Variants in LHX4 observed in about 807,000 individuals in gnomAD.
LHX4 encodes the protein LIM homeobox 4, also known as LIM/homeobox protein Lhx4.
Under a neutral mutation model 39.2 loss-of-function variants are expected in LHX4, and 16 were observed. The observed-to-expected ratio is 0.41, with a 90% CI of 0.28 to 0.62. The LOEUF (loss-of-function observed/expected upper bound fraction) is 0.62, where lower values mean the gene tolerates loss of function less well. LHX4 is among the 20% of genes least tolerant of loss of function. LHX4 has a pLI of 0.33. For synonymous variants in LHX4, 206 were observed against 198.1 expected (o/e 1.04, Z -0.33); for missense variants, 439 against 511.9 (o/e 0.86, Z 1.37).
In LHX4 at chr1:180,266,959, G is replaced by T. The variant is rs943621791; in HGVS notation, c.451+365G>T. On this transcript the variant is annotated intron_variant, in intron 3 of 5. Transcript: ENST00000263726. The surrounding 1 kb of genome is among the most constrained non-coding windows in gnomAD (Gnocchi z 5.7). ...TGGGAGCTTGGTCTGTATTGGACAC[G>T]TGGGGCTGCCGCTTAGTTTTGCACA... is the stretch of plus-strand genomic sequence containing the variant. Among the ~76,000 whole-genome samples the T allele has an allele frequency of 1.4e-4, 21 of 152,172 alleles. No homozygotes were observed. Among genetic ancestry groups the T allele is most frequent in the Admixed American group, 1.4e-3 (21 of 15,288 alleles).
At chr1:180,257,291 T>C (rs1413862206) in intron 2 of LHX4, among the ~76,000 whole-genome samples, 1 of 152,238 alleles carries the variant, frequency 6.6e-6, no homozygotes, top group Non-Finnish European at 1.5e-5. Context: ...CCAGCAGCAT[T>C]CATCTCAACA....
upstream of LHX4, among the ~76,000 whole-genome samples, chr1:180,228,391 T>C (rs796966697): frequency 2.6e-5 from 4 of 152,280 alleles, no homozygotes; most frequent in African/African-American, 9.6e-5. Flanking sequence ...CACCCAGCAG[T>C]ATTGGTGAGT....
chr1:180,247,042 TTTC>T (rs1199248145), intron 1 of LHX4, among the ~76,000 whole-genome samples: 1 of 152,212 alleles, frequency 6.6e-6, no homozygotes, highest in Non-Finnish European at 1.5e-5. Flanking sequence ...CACTTTTGTT[TTTC>T]TTCTTAATAC....
At chr1:180,270,781 T>TG (rs1310377647) in intron 3 of LHX4, 1 of 158,192 alleles carries the variant, frequency 6.3e-6, no homozygotes, top group Admixed American at 5.9e-5. Context: ...TCTGATTTCC[T>TG]GTTTTAGTTT....
At chr1:180,258,051 A>G (rs357059) in intron 2 of LHX4, among the ~76,000 whole-genome samples, 77,849 of 152,092 alleles carry the variant, frequency 0.51, 20,608 homozygotes, top group African/African-American at 0.66. Flanking sequence ...ACATATCGTC[A>G]GCCAGGTCCT....
chr1:180,241,863 A>G (rs1330159615), intron 1 of LHX4, among the ~76,000 whole-genome samples: 1 of 151,708 alleles, frequency 6.6e-6, no homozygotes, highest in East Asian at 1.9e-4. Flanking sequence ...TGTTGCCCAG[A>G]CTGGAATGCA....
chr1:180,271,809 G>C (rs749414602), intron 4 of LHX4, 26 bp from the exon 5 acceptor site: 2 of 1,613,722 alleles, frequency 1.2e-6, no homozygotes, highest in African/African-American at 2.7e-5. Flanking sequence ...CGCCCCCTGA[G>C]TATGTCCCTT....
intron 3 of LHX4, chr1:180,270,902 A>T: frequency 8.4e-6 from 2 of 239,440 alleles, no homozygotes; most frequent in South Asian, 5.4e-5. Flanking sequence ...GAGCCCAGCG[A>T]CGCCAGGGCA....
At chr1:180,245,374 C>A (rs776742017) in intron 1 of LHX4, among the ~76,000 whole-genome samples, 1 of 152,206 alleles carries the variant, frequency 6.6e-6, no homozygotes, top group Non-Finnish European at 1.5e-5. Context: ...CTTCCAGGGC[C>A]CTCCAGGGAT....
chr1:180,262,580 G>A (rs780108332), intron 2 of LHX4, among the ~76,000 whole-genome samples: 2 of 151,564 alleles, frequency 1.3e-5, no homozygotes, highest in Non-Finnish European at 1.5e-5. Context: ...GTGGGAAGAG[G>A]GATTGTCCTG....
chr1:180,256,338 G>T (rs959638135), intron 2 of LHX4, among the ~76,000 whole-genome samples: 24 of 152,168 alleles, frequency 1.6e-4, no homozygotes, highest in African/African-American at 5.3e-4. Context: ...TCACACCAGG[G>T]TCCCATTAGA....
At chr1:180,229,965 G>GGCGGAGGCGGGGGGGGC (rs1491546115), upstream of LHX4, among the ~76,000 whole-genome samples, 159 of 12,188 alleles carry the variant, frequency 0.013, 9 homozygotes, top group Middle Eastern at 0.056. Context: ...GAGGCGGGGA[G>GGCGGAGGCGGGGGGGGC]GGGGGGGGGG....
At chr1:180,244,784 G>C (rs1647321340) in intron 1 of LHX4, among the ~76,000 whole-genome samples, 1 of 152,232 alleles carries the variant, frequency 6.6e-6, no homozygotes, top group Non-Finnish European at 1.5e-5. Context: ...AGAGAAGATG[G>C]TGCTTCATCT....
intron 1 of LHX4, among the ~76,000 whole-genome samples, chr1:180,243,244 C>T (rs1255307099): frequency 6.6e-6 from 1 of 152,024 alleles, no homozygotes; most frequent in African/African-American, 2.4e-5. Context: ...CTGTCTCGTC[C>T]TCCTAAAGTG....
chr1:180,250,539 G>A (rs12406995), intron 2 of LHX4, among the ~76,000 whole-genome samples: 51,205 of 152,098 alleles, frequency 0.34, 9,059 homozygotes, highest in Non-Finnish European at 0.38. Context: ...CCGCTTGCCC[G>A]TCTCGGGGCA....
rs549852121 is a variant in LHX4 at position 180,271,778 on chromosome 1, G to C, written c.607-57G>C. 4.3e-5 allele frequency: 69 copies of C among 1,600,268 alleles called. 1 individual carries two copies. The South Asian group carries it at 6.3e-4, about 15-fold the overall frequency. Reference sequence around the variant, plus strand: ...CAGCCGCCCGCCTAGGGGGTCCTGGGGGCTTTGGGTTTGTGGTGGACGCCC... The same window carrying C: ...CAGCCGCCCGCCTAGGGGGTCCTGGCGGCTTTGGGTTTGTGGTGGACGCCC... On this transcript the variant is annotated intron_variant, in intron 4 of 5. Transcript: ENST00000263726.
upstream of LHX4, among the ~76,000 whole-genome samples, chr1:180,229,418 ACG>A (rs1278642974): frequency 1.7e-4 from 26 of 152,040 alleles, no homozygotes; most frequent in African/African-American, 6.3e-4. Context: ...GTCTGCGGGG[ACG>A]CGCGCGGGGG....
At position 180,274,217 on chromosome 1, in the gene LHX4, A is replaced by G; in HGVS notation, c.811A>G (p.Asn271Asp). 6.2e-7 allele frequency: 1 copy of G among 1,614,210 alleles called. No individual in the cohort carries two copies. Among genetic ancestry groups the G allele is most frequent in the South Asian group, 1.1e-5 (1 of 91,090 alleles). Reference sequence around the variant, plus strand: ...AATTCTCTCAGAACTTGGCCACACCAATAGGATTTATGGCAACGTGGGGGA... The same window carrying G: ...AATTCTCTCAGAACTTGGCCACACCGATAGGATTTATGGCAACGTGGGGGA... ...DQILSELGHTNRIYGNVGDVT... is the reference protein window; with the variant it reads ...DQILSELGHTDRIYGNVGDVT... The change falls in exon 6 of 6, where the codon AAT (asparagine) becomes GAT (aspartate). Residue 271 changes from asparagine to aspartate, a missense_variant. Physicochemically the swap from Asn to Asp is conservative, Grantham distance 23. Coordinates refer to ENST00000263726, the MANE Select transcript of LHX4 (RefSeq NM_033343.4).
chr1:180,266,311 A>C lies in LHX4; in HGVS notation c.249-81A>C, dbSNP rs1039462619. Reference sequence around the variant, plus strand: ...TGGAGTCCCGGAGTGGTGGGGTAGGAGGGAGGCTGCTCCAGGAAGTTGGGG... The same window carrying C: ...TGGAGTCCCGGAGTGGTGGGGTAGGCGGGAGGCTGCTCCAGGAAGTTGGGG... On this transcript the variant is annotated intron_variant, in intron 2 of 5. Transcript: ENST00000263726. The surrounding 1 kb of genome is among the most constrained non-coding windows in gnomAD (Gnocchi z 5.7). 1 of 1,382,694 alleles carries C rather than the reference A, an allele frequency of 7.2e-7. No homozygotes were observed. Among genetic ancestry groups the C allele is most frequent in the African/African-American group, 1.4e-5 (1 of 70,362 alleles). The allele number at this position is 1,382,694 out of a possible 1,614,324, so 85.7% of individuals were successfully genotyped here. A position where few individuals can be genotyped will look rare whatever the true frequency, so the allele number is the denominator to read the frequency against.
Sources: allele counts gnomAD v4.1 joint callset (sites outside exome capture counted in the v4.1 genomes callset), GRCh38; gene constraint gnomAD v4.1.1; non-coding constraint Gnocchi (gnomAD v3.1); transcripts MANE v1.5; gene names NCBI Gene and HGNC (gene_info 2026-07-23, HGNC 2026-07-21).